Variants in CYFIP1 observed in about 807,000 individuals in gnomAD.
CYFIP1 encodes the protein cytoplasmic FMR1-interacting protein 1.
Under a neutral mutation model 163.5 loss-of-function variants are expected in CYFIP1, and 58 were observed. That is an observed-to-expected ratio of 0.35 (90% CI 0.29 to 0.44). CYFIP1 has a LOEUF of 0.44. Ranked by LOEUF, CYFIP1 falls within the 20% of genes least tolerant of loss-of-function variation. The probability of loss-of-function intolerance (pLI) is 1.00; values close to 1 mark genes in which losing one functional copy is unlikely to be tolerated. For synonymous variants in CYFIP1, 663 were observed against 660.7 expected (o/e 1.00, Z -0.05); for missense variants, 1,338 against 1,653.8 (o/e 0.81, Z 3.31).
rs545427900 is a variant in CYFIP1, at chr15:22,901,222, C to A, written c.2588+2484G>T. 4.0e-3 allele frequency among the ~76,000 whole-genome samples: 600 copies of A among 150,568 alleles called. 7 individuals are homozygous for A. Among genetic ancestry groups the A allele is most frequent in the African/African-American group, 0.012 (490 of 40,960 alleles). ...TGTCACAAAAAAACAAAAAAAAAAA[C>A]CAAAAAAACAACTCACTGCTGTTCA... On this transcript the variant is annotated intron_variant, in intron 22 of 30. Coordinates refer to ENST00000617928, the MANE Select transcript of CYFIP1 (RefSeq NM_014608.6).
intron 1 of CYFIP1, among the ~76,000 whole-genome samples, chr15:22,959,042 G>A (rs1368318263): frequency 6.6e-6 from 1 of 152,134 alleles, no homozygotes; most frequent in African/African-American, 2.4e-5. Context: ...CCCAGGTGGG[G>A]CCCTCAGGAC....
intron 26 of CYFIP1, among the ~76,000 whole-genome samples, chr15:22,877,420 A>G (rs1488769785): frequency 6.6e-6 from 1 of 152,194 alleles, no homozygotes; most frequent in Non-Finnish European, 1.5e-5. Context: ...CCACAGCAAC[A>G]CAAAATGGAC....
intron 26 of CYFIP1, 198 bp from the exon 27 acceptor site, chr15:22,875,469 G>A: frequency 9.9e-6 from 6 of 604,204 alleles, no homozygotes; most frequent in Non-Finnish European, 1.5e-5. Flanking sequence ...AGCCATGCAT[G>A]CCTAGTAAGT....
At chr15:22,892,117 T>C (rs2060100633) in intron 23 of CYFIP1, among the ~76,000 whole-genome samples, 1 of 152,240 alleles carries the variant, frequency 6.6e-6, no homozygotes, top group Non-Finnish European at 1.5e-5. Context: ...TCTGGCCTCA[T>C]CCTGGGGGCC....
intron 11 of CYFIP1, among the ~76,000 whole-genome samples, chr15:22,929,091 A>T (rs2061449730): frequency 6.6e-6 from 1 of 151,934 alleles, no homozygotes; most frequent in Non-Finnish European, 1.5e-5. Context: ...GTGGTGCTGC[A>T]TGCCTGTAAT....
chr15:22,953,054 T>C (rs2062313372), intron 1 of CYFIP1, among the ~76,000 whole-genome samples: 1 of 152,248 alleles, frequency 6.6e-6, no homozygotes, highest in South Asian at 2.1e-4. Context: ...GCACACGGCC[T>C]GGGCCCGGCC....
chr15:22,886,356 G>T (rs2059927004), intron 23 of CYFIP1, among the ~76,000 whole-genome samples: 1 of 152,176 alleles, frequency 6.6e-6, no homozygotes, highest in African/African-American at 2.4e-5. Context: ...GACCCCTACT[G>T]TGAGTATTCA....
chr15:22,927,928 C>A lies in CYFIP1; in HGVS notation c.1211G>T (p.Trp404Leu). Residue 404 changes from tryptophan to leucine, a missense_variant, in exon 12 of 31, where the codon TGG (tryptophan) becomes TTG (leucine). Transcript: ENST00000617928. ...TACCACTTCCATCACGTGCGCGCTC[C>A]ACTGCGACAACAGCTGCAGGCCCTG... ...ALQGLQLLSQ[W>L]SAHVMEVYSW... is the part of the protein sequence containing the mutation. The A allele has an allele frequency of 6.2e-7, 1 of 1,606,772 alleles. No homozygotes were observed. The highest frequency in any genetic ancestry group is 8.5e-7 in the Non-Finnish European group (1 of 1,178,146).
chr15:22,956,423 T>C (rs914203708), intron 1 of CYFIP1, among the ~76,000 whole-genome samples: 1 of 151,972 alleles, frequency 6.6e-6, no homozygotes, highest in African/African-American at 2.4e-5. Context: ...AAGACTAACT[T>C]TAACCTGGAA....
At chr15:22,965,433 A>G (rs548364558) in intron 1 of CYFIP1, among the ~76,000 whole-genome samples, 4 of 152,182 alleles carry the variant, frequency 2.6e-5, no homozygotes, top group Non-Finnish European at 4.4e-5. Context: ...TACCATTTCT[A>G]TGTTTACGTA....
chr15:22,900,218 C>G (rs1566944252), intron 22 of CYFIP1, among the ~76,000 whole-genome samples: 1 of 151,956 alleles, frequency 6.6e-6, no homozygotes, highest in African/African-American at 2.4e-5. Context: ...CACACAGGGA[C>G]AGTGGCAAGT....
chr15:22,934,707 C>T (rs915913411), intron 9 of CYFIP1, among the ~76,000 whole-genome samples: 5 of 151,172 alleles, frequency 3.3e-5, no homozygotes, highest in Non-Finnish European at 7.4e-5. Context: ...ACCGTGTTAG[C>T]CAGGATGGTC....
chr15:22,894,986 T>C (rs556367714), intron 22 of CYFIP1, among the ~76,000 whole-genome samples: 19 of 150,570 alleles, frequency 1.3e-4, no homozygotes, highest in Middle Eastern at 6.9e-3. Flanking sequence ...CTCATGAGTA[T>C]CTGGGACTAC....
chr15:22,900,353 T>C (rs1228287067), intron 22 of CYFIP1, among the ~76,000 whole-genome samples: 1 of 151,910 alleles, frequency 6.6e-6, no homozygotes, highest in Non-Finnish European at 1.5e-5. Context: ...GACACCTTGA[T>C]TCCAGACTTC....
intron 13 of CYFIP1, among the ~76,000 whole-genome samples, chr15:22,922,301 C>T (rs747422680): frequency 3.5e-4 from 53 of 152,204 alleles, no homozygotes; most frequent in Admixed American, 1.2e-3. Flanking sequence ...AGGTCAGCCA[C>T]GTGACTGGCC....
At chr15:22,879,769 TCAA>T (rs1371343874) in intron 26 of CYFIP1, 141 bp downstream of exon 26, 2 of 611,026 alleles carry the variant, frequency 3.3e-6, no homozygotes, top group East Asian at 5.6e-5. Context: ...AACTAAAGTC[TCAA>T]CAGCCACAAA....
chr15:22,937,627 C>G (rs1328854858), intron 8 of CYFIP1, among the ~76,000 whole-genome samples: 1 of 139,800 alleles, frequency 7.2e-6, no homozygotes, highest in Non-Finnish European at 1.5e-5. Flanking sequence ...GAGATGGAGT[C>G]TGGCTCTGTC....
chr15:22,903,786 G>T lies in CYFIP1; in HGVS notation c.2508C>A (p.Tyr836Ter). Residue 836 changes from tyrosine (Y) to a stop codon, truncating the protein, a stop_gained, in exon 22 of 31, where the codon TAC becomes TAA. Coordinates refer to ENST00000617928, the MANE Select transcript of CYFIP1 (RefSeq NM_014608.6). LOFTEE classifies it high-confidence loss of function. ...REANHNVSAP[Y>*]GRITLHVFWE... ...AGAAGACGTGCAGGGTGATCCTCCCGTAGGGCGCTGACACGTTGTGGTTGG... is the reference window on the plus strand; with the variant it reads ...AGAAGACGTGCAGGGTGATCCTCCCTTAGGGCGCTGACACGTTGTGGTTGG... The T allele has an allele frequency of 6.2e-7, 1 of 1,614,202 alleles. No homozygotes were observed. Among genetic ancestry groups the T allele is most frequent in the Non-Finnish European group, 8.5e-7 (1 of 1,180,030 alleles).
chr15:22,972,970 C>T (rs1056555432), intron 1 of CYFIP1, among the ~76,000 whole-genome samples: 1 of 151,934 alleles, frequency 6.6e-6, no homozygotes, highest in Admixed American at 6.6e-5. Flanking sequence ...ACCCTGCCTC[C>T]ACTAAAAATA....
Sources: gnomAD v4.1 joint callset for allele counts (sites outside exome capture counted in the v4.1 genomes callset) on GRCh38, gnomAD v4.1.1 for gene constraint, MANE v1.5 for transcripts, NCBI Gene and HGNC (gene_info 2026-07-23, HGNC 2026-07-21) for gene names.